PTPRU: variants seen among roughly 807,000 people sequenced by gnomAD.
PTPRU encodes receptor-type tyrosine-protein phosphatase U.
PTPRU carries 69 observed loss-of-function variants against 166.3 expected under a neutral mutation model. The ratio of observed to expected loss-of-function variants is 0.41; its 90% CI spans 0.34 to 0.51. PTPRU has a LOEUF of 0.51. Ranked by LOEUF, PTPRU falls within the 20% of genes least tolerant of loss-of-function variation. The probability of loss-of-function intolerance (pLI) is 0.09; values close to 1 mark genes in which losing one functional copy is unlikely to be tolerated. For missense variants in PTPRU, 1,657 were observed against 2,013.7 expected, an observed-to-expected ratio of 0.82 and a Z score of 3.39; for synonymous variants, 793 against 814.0, an observed-to-expected ratio of 0.97 and a Z score of 0.44.
intron 28 of PTPRU, among the ~76,000 whole-genome samples, chr1:29,324,208 T>C (rs1441946853): frequency 6.6e-6 from 1 of 152,338 alleles, no homozygotes; most frequent in East Asian, 1.9e-4. Flanking sequence ...CATTCATAAG[T>C]TCATGTATTC....
At chr1:29,256,037 G>A (rs1684759216) in intron 2 of PTPRU, among the ~76,000 whole-genome samples, 1 of 152,132 alleles carries the variant, frequency 6.6e-6, no homozygotes, top group Non-Finnish European at 1.5e-5. Flanking sequence ...CGAAGACCTG[G>A]GCTCAAACCC....
intron 1 of PTPRU, among the ~76,000 whole-genome samples, chr1:29,243,420 C>T (rs967834106): frequency 3.9e-5 from 6 of 152,220 alleles, no homozygotes; most frequent in Non-Finnish European, 7.3e-5. Context: ...CCTGCCTATC[C>T]GCTGTCTGCT....
rs200362802 is a variant in PTPRU, at chr1:29,253,017, TG to T, written c.74-2254del. 9.8e-3 allele frequency among the ~76,000 whole-genome samples: 1,499 copies of T among 152,332 alleles called. 29 individuals are homozygous for T. The highest frequency in any genetic ancestry group is 0.034 in the African/African-American group (1,421 of 41,576). On this transcript the variant is annotated intron_variant, in intron 1 of 29. Transcript: ENST00000373779. ...AACTTCTGGCCGACCCGCTGCAGGT[TG>T]GGGTTCCCACGACCCCCTCTTTGAG...
In PTPRU at chr1:29,260,146, G is replaced by T; in HGVS notation, c.850+102G>T. The T allele has an allele frequency of 8.5e-7, 1 of 1,180,164 alleles. No individual in the cohort carries two copies. Among genetic ancestry groups the T allele is most frequent in the Middle Eastern group, 3.1e-4 (1 of 3,268 alleles). 73.1% of individuals were successfully genotyped at this position (1,180,164 alleles called of 1,614,324 possible). ...CGGGGGCGTGGCCGTGGGGGGTGGG[G>T]CCGGCAGGGTGTCGCTGGGGCGCTA... is the stretch of plus-strand genomic sequence containing the variant. On this transcript the variant is annotated intron_variant, in intron 6 of 29. Transcript: ENST00000373779. This position sits in a 1 kb window ranked among gnomAD's most constrained non-coding sequence, Gnocchi z 8.3.
intron 15 of PTPRU, among the ~76,000 whole-genome samples, chr1:29,297,017 CACCATTTTAT>C (rs1686914736): frequency 6.7e-6 from 1 of 149,036 alleles, no homozygotes; most frequent in African/African-American, 2.5e-5. Context: ...ATTAAATTTT[CACCATTTTAT>C]ACCATTTTAC....
At chr1:29,259,603 G>T in intron 5 of PTPRU, 39 bp downstream of exon 5, 1 of 1,292,120 alleles carries the variant, frequency 7.7e-7, no homozygotes, top group Non-Finnish European at 1.1e-6. Flanking sequence ...GGCGGGGTGG[G>T]AGGGGGTTGG....
chr1:29,303,230 C>A (rs1046060257), intron 15 of PTPRU, among the ~76,000 whole-genome samples: 4 of 152,116 alleles, frequency 2.6e-5, no homozygotes, highest in African/African-American at 9.7e-5. Flanking sequence ...ACAGAACAGC[C>A]GGGGACGGGG....
intron 7 of PTPRU, among the ~76,000 whole-genome samples, chr1:29,263,347 A>G (rs753009370): frequency 4.6e-5 from 7 of 152,162 alleles, no homozygotes; most frequent in Non-Finnish European, 8.8e-5. Context: ...TCAATACTCC[A>G]TTCTTTTTTA....
At chr1:29,322,343 T>C (rs575408115) in intron 26 of PTPRU, among the ~76,000 whole-genome samples, 14 of 152,004 alleles carry the variant, frequency 9.2e-5, no homozygotes, top group Admixed American at 9.2e-4. Context: ...AGGAAACAGG[T>C]AGAAAAACTG....
chr1:29,279,213 G>A lies in PTPRU; in HGVS notation c.1563+92G>A, dbSNP rs1685949366. ...TGCTGCTACAGTAGGAGGTGCATGG[G>A]AGGACAGATGTGATTGTCATAGTTT... On this transcript the variant is annotated intron_variant, in intron 9 of 29. Coordinates refer to ENST00000373779, the MANE Select transcript of PTPRU (RefSeq NM_133178.4). The surrounding 1 kb of genome is among the most constrained non-coding windows in gnomAD (Gnocchi z 5.2). The A allele has an allele frequency of 8.7e-7, 1 of 1,152,532 alleles. No individual in the cohort carries two copies. The highest frequency in any genetic ancestry group is 1.3e-6 in the Non-Finnish European group (1 of 793,438). 71.4% of individuals were successfully genotyped at this position (1,152,532 alleles called of 1,614,324 possible). A position where few individuals can be genotyped will look rare whatever the true frequency, so the allele number is the denominator to read the frequency against.
At chr1:29,274,187 C>T (rs1340605936) in intron 7 of PTPRU, among the ~76,000 whole-genome samples, 4 of 152,166 alleles carry the variant, frequency 2.6e-5, no homozygotes, top group African/African-American at 7.2e-5. Flanking sequence ...TGCGCCACCA[C>T]GCCTGGCTAA....
Position 29,275,668 on chromosome 1 carries a change from C to T in PTPRU, c.1365C>T (p.Pro455=). The T allele has an allele frequency of 6.2e-7, 1 of 1,614,158 alleles. No homozygotes were observed. Among genetic ancestry groups the T allele is most frequent in the Middle Eastern group, 1.6e-4 (1 of 6,062 alleles). The change falls in exon 8 of 30, where the codon CCC becomes CCT. Residue 455 remains proline (P), a synonymous_variant. Transcript: ENST00000373779. ...GCTACACCATCAAGAACCTGCTGCC[C>T]TATCGGAACGTTCACGTGAGGCTTG... ...VSRYTIKNLL[P]YRNVHVRLVL... is the part of the protein sequence containing the mutation.
Position 29,258,720 on chromosome 1 carries a change from CG to C in PTPRU, c.422del (p.Arg141LeufsTer36). 6.2e-7 allele frequency: 1 copy of C among 1,609,290 alleles called. No individual in the cohort carries two copies. The highest frequency in any genetic ancestry group is 8.5e-7 in the Non-Finnish European group (1 of 1,177,138). ...GTGGAATATGACTGGATCCCACGGC[CG>C]TCAGTGGCACCAGGCTGAGCTGGCT... ...AVWNMTGSHG[R>X]QWHQAELAVS... On this transcript the variant is annotated frameshift_variant, in exon 3 of 30. Transcript: ENST00000373779. LOFTEE classifies it high-confidence loss of function.
chr1:29,260,861 G>A lies in PTPRU; in HGVS notation c.1102G>A (p.Gly368Ser). 1 of 1,599,054 alleles carries A rather than the reference G, an allele frequency of 6.3e-7. No individual in the cohort carries two copies. The highest frequency in any genetic ancestry group is 8.5e-7 in the Non-Finnish European group (1 of 1,174,846). The change falls in exon 7 of 30, where the codon GGC (glycine) becomes AGC (serine). Residue 368 changes from glycine (G) to serine (S), a missense_variant. Physicochemically the swap from Gly to Ser is moderately conservative, Grantham distance 56 (BLOSUM62 0). Coordinates refer to ENST00000373779, the MANE Select transcript of PTPRU (RefSeq NM_133178.4). This position sits in a 1 kb window ranked among gnomAD's most constrained non-coding sequence, Gnocchi z 8.3. ...LLTRPGDGGT[G>S]RPGPPLISRT... ...CACGCGTCCCGGAGACGGCGGCACT[G>A]GCCGCCCTGGGCCACCCCTCATCAG...
At chr1:29,288,523 G>A (rs1005725440) in intron 14 of PTPRU, among the ~76,000 whole-genome samples, 1 of 152,088 alleles carries the variant, frequency 6.6e-6, no homozygotes, top group Non-Finnish European at 1.5e-5. Context: ...TCCCTCGTGG[G>A]GCCTCTGCAA....
intron 7 of PTPRU, among the ~76,000 whole-genome samples, chr1:29,262,848 C>T (rs554620978): frequency 1.1e-4 from 17 of 152,280 alleles, no homozygotes; most frequent in South Asian, 6.2e-4. Flanking sequence ...CCATTTCACT[C>T]GCACACCTCT....
Position 29,261,482 on chromosome 1 carries a change from A to G in PTPRU, c.1144+579A>G, listed in dbSNP as rs561063483. ...TCTTTTTTGTTTAATCAGAAGAGAA[A>G]TTGAGAACACAATAGGTTTTTCTTT... On this transcript the variant is annotated intron_variant, in intron 7 of 29. Transcript: ENST00000373779. 1.3e-3 allele frequency among the ~76,000 whole-genome samples: 204 copies of G among 152,174 alleles called. 2 individuals are homozygous for G. Among genetic ancestry groups the G allele is most frequent in the Non-Finnish European group, 2.6e-3 (175 of 68,044 alleles).
intron 29 of PTPRU, 86 bp downstream of exon 29, chr1:29,325,412 T>A: frequency 6.5e-7 from 1 of 1,546,162 alleles, no homozygotes; most frequent in East Asian, 2.2e-5. Flanking sequence ...CTCCCATATC[T>A]GGGCCCCACC....
chr1:29,324,813 C>G (rs1446303255), intron 28 of PTPRU, among the ~76,000 whole-genome samples: 1 of 151,902 alleles, frequency 6.6e-6, no homozygotes, highest in Non-Finnish European at 1.5e-5. Flanking sequence ...GTCCTCTGCC[C>G]CGCCCTTCTG....
Sources: gnomAD v4.1 joint callset for allele counts (sites outside exome capture counted in the v4.1 genomes callset) on GRCh38, gnomAD v4.1.1 for gene constraint, Gnocchi (gnomAD v3.1) non-coding constraint, MANE v1.5 for transcripts, NCBI Gene and HGNC (gene_info 2026-07-23, HGNC 2026-07-21) for gene names.